ALPP: variants seen among roughly 807,000 people sequenced by gnomAD.
The protein encoded by ALPP is alkaline phosphatase, placental.
A neutral mutation model predicts 50.7 loss-of-function variants in ALPP; 39 were observed. That is an observed-to-expected ratio of 0.77 (90% CI 0.60 to 1.00). The LOEUF (loss-of-function observed/expected upper bound fraction) is 1.00. Ranked by LOEUF, ALPP falls within the 50% of genes least tolerant of loss-of-function variation. The probability of loss-of-function intolerance (pLI) is 0.00; values close to 1 mark genes in which losing one functional copy is unlikely to be tolerated. For missense variants in ALPP, 550 were observed against 746.8 expected (o/e 0.74, Z 3.07); for synonymous variants, 226 against 320.3 (o/e 0.71, Z 3.14).
chr2:232,381,691 G>C lies in ALPP; in HGVS notation c.1504G>C (p.Ala502Pro), dbSNP rs1454167625. The change falls in exon 11 of 11, where the codon GCC becomes CCC. Residue 502 changes from alanine (A) to proline (P), a missense_variant. Coordinates refer to ENST00000392027, the MANE Select transcript of ALPP (RefSeq NM_001632.5). ...PYTACDLAPP[A>P]GTTDAAHPGR... ...CACCGCCTGCGACCTGGCGCCCCCC[G>C]CCGGCACCACCGACGCCGCGCACCC... 2 of 1,608,720 alleles carry C rather than the reference G, an allele frequency of 1.2e-6. No individual in the cohort carries two copies. Among genetic ancestry groups the C allele is most frequent in the Non-Finnish European group, 1.7e-6 (2 of 1,178,590 alleles).
chr2:232,381,122 G>T, intron 9 of ALPP, 91 bp downstream of exon 9: 1 of 1,569,450 alleles, frequency 6.4e-7, no homozygotes. Flanking sequence ...TGGGAGTAAT[G>T]CTGGCACCAG....
chr2:232,380,066 G>C, intron 5 of ALPP, 120 bp from the exon 6 acceptor site: 2 of 1,575,820 alleles, frequency 1.3e-6, no homozygotes, highest in Non-Finnish European at 1.7e-6. Flanking sequence ...GGCGTAGAAG[G>C]TGCAGCCCAG....
rs1421226219 is a variant in ALPP at position 232,382,095 on chromosome 2, T to A, written c.*300T>A. 3.7e-6 allele frequency: 2 copies of A among 545,220 alleles called. No homozygotes were observed. The highest frequency in any genetic ancestry group is 6.5e-6 in the Non-Finnish European group (2 of 309,400). 33.8% of individuals were successfully genotyped at this position (545,220 alleles called of 1,614,324 possible). Reference sequence around the variant, plus strand: ...CATCCAGCCACCACCTACAGCCCAGTGGGTACCAGGCAGGCTCCCTTCCTG... The same window carrying A: ...CATCCAGCCACCACCTACAGCCCAGAGGGTACCAGGCAGGCTCCCTTCCTG... On this transcript the variant is annotated 3_prime_UTR_variant, in exon 11 of 11. Coordinates refer to ENST00000392027, the MANE Select transcript of ALPP (RefSeq NM_001632.5).
rs2981374 is a variant in ALPP at position 232,381,689 on chromosome 2, C to G, written c.1502C>G (p.Pro501Arg). Residue 501 changes from proline (P) to arginine (R), a missense_variant, in exon 11 of 11, where the codon CCC (proline) becomes CGC (arginine). Transcript: ENST00000392027. ...EPYTACDLAP[P>R]AGTTDAAHPG... ...TACACCGCCTGCGACCTGGCGCCCCCCGCCGGCACCACCGACGCCGCGCAC... is the reference window on the plus strand; with the variant it reads ...TACACCGCCTGCGACCTGGCGCCCCGCGCCGGCACCACCGACGCCGCGCAC... 3,559 of 1,599,772 alleles carry G rather than the reference C, an allele frequency of 2.2e-3. 36 individuals are homozygous for G. Among genetic ancestry groups the G allele is most frequent in the Middle Eastern group, 3.5e-3 (19 of 5,456 alleles).
chr2:232,381,437 C>T, intron 10 of ALPP, 60 bp from the exon 11 acceptor site: 1 of 1,612,208 alleles, frequency 6.2e-7, no homozygotes, highest in Non-Finnish European at 8.5e-7. Flanking sequence ...GGGAAGGGGT[C>T]ACCTCCTGTC....
At position 232,381,598 on chromosome 2, in the gene ALPP, G is replaced by A. The variant is rs1291636364; in HGVS notation, c.1411G>A (p.Val471Ile). ...VFARGPQAHLVHGVQEQTFIA... is the reference protein window; with the variant it reads ...VFARGPQAHLIHGVQEQTFIA... ...CGCGCGCGGCCCGCAGGCGCACCTG[G>A]TTCACGGCGTGCAGGAGCAGACCTT... Residue 471 changes from valine (V) to isoleucine (I), a missense_variant, in exon 11 of 11, where the codon GTT becomes ATT. Transcript: ENST00000392027. 1.2e-6 allele frequency: 2 copies of A among 1,612,746 alleles called. No homozygotes were observed. The highest frequency in any genetic ancestry group is 1.7e-5 in the Admixed American group (1 of 59,950).
chr2:232,379,025 C>T lies in ALPP; in HGVS notation c.131C>T (p.Ala44Val). 6 of 1,614,136 alleles carry T rather than the reference C, an allele frequency of 3.7e-6. No individual in the cohort carries two copies. The highest frequency in any genetic ancestry group is 4.2e-6 in the Non-Finnish European group (5 of 1,180,034). The change falls in exon 2 of 11, where the codon GCC becomes GTC. Residue 44 changes from alanine (A) to valine (V), a missense_variant. Coordinates refer to ENST00000392027, the MANE Select transcript of ALPP (RefSeq NM_001632.5). ...CGCGAGGCAGCCGAGGCCCTGGGTG[C>T]CGCCAAGAAGCTGCAGCCTGCACAG... Reference protein sequence around the residue: ...WNREAAEALGAAKKLQPAQTA... With the variant: ...WNREAAEALGVAKKLQPAQTA...
rs756125131 is a variant in ALPP, at chr2:232,380,203, C to G, written c.675C>G (p.Gly225=). 6.2e-7 allele frequency: 1 copy of G among 1,613,998 alleles called. No individual in the cohort carries two copies. Among genetic ancestry groups the G allele is most frequent in the African/African-American group, 1.3e-5 (1 of 74,926 alleles). The change falls in exon 6 of 11, where the codon GGC becomes GGG. Residue 225 remains glycine (G), a synonymous_variant. Coordinates refer to ENST00000392027, the MANE Select transcript of ALPP (RefSeq NM_001632.5). ...GTTCCCAGGTGATCCTAGGTGGAGG[C>G]CGAAAGTACATGTTTCGCATGGGAA... ...NMDIDVILGG[G]RKYMFRMGTP...
At chr2:232,380,016 AGCCTTATCTGG>A in intron 5 of ALPP, 80 bp downstream of exon 5, 2 of 1,561,192 alleles carry the variant, frequency 1.3e-6, no homozygotes, top group Non-Finnish European at 1.7e-6. Context: ...GGCAACCAAA[AGCCTTATCTGG>A]GCCAGCAGGG....
At chr2:232,379,401 A>T (rs1243972960) in intron 3 of ALPP, 86 bp downstream of exon 3, 1 of 1,589,440 alleles carries the variant, frequency 6.3e-7, no homozygotes, top group Non-Finnish European at 8.6e-7. Flanking sequence ...GACCCTAAAC[A>T]GCTGGGGCTC....
intron 1 of ALPP, 30 bp downstream of exon 1, chr2:232,378,908 C>A: frequency 6.2e-7 from 1 of 1,609,258 alleles, no homozygotes; most frequent in Non-Finnish European, 8.5e-7. Context: ...TGCCCCTACA[C>A]AACACACACA....
Position 232,379,868 on chromosome 2 carries a change from C to T in ALPP, c.589C>T (p.Pro197Ser). ...CAACTGGTACTCGGACGCCGACGTGCCTGCCTCCGCCCGCCAGGAGGGGTG... is the reference window on the plus strand; with the variant it reads ...CAACTGGTACTCGGACGCCGACGTGTCTGCCTCCGCCCGCCAGGAGGGGTG... ...NRNWYSDADV[P>S]ASARQEGCQD... The change falls in exon 5 of 11, where the codon CCT (proline) becomes TCT (serine). Residue 197 changes from proline to serine, a missense_variant. This residue lies in a region of ALPP where 376 missense variants were observed against 388.5 expected (regional missense o/e 0.97). Transcript: ENST00000392027. 1 of 1,613,236 alleles carries T rather than the reference C, an allele frequency of 6.2e-7. No individual in the cohort carries two copies. The highest frequency in any genetic ancestry group is 1.1e-5 in the South Asian group (1 of 91,008).
rs1400426284 is a variant in ALPP, at chr2:232,381,795, A to G, written c.1608A>G (p.Ter536TrpextTer56). 1.3e-6 allele frequency: 2 copies of G among 1,572,050 alleles called. No individual in the cohort carries two copies. The highest frequency in any genetic ancestry group is 1.7e-6 in the Non-Finnish European group (2 of 1,164,388). Residue 536 changes from the stop codon to tryptophan, a stop_lost, in exon 11 of 11, where the codon TGA (stop) becomes TGG (tryptophan). Coordinates refer to ENST00000392027, the MANE Select transcript of ALPP (RefSeq NM_001632.5). ...TGCTGGAGACGGCCACTGCTCCCTGAGTGTCCCGTCCCTGGGGCTCCTGCT... is the reference window on the plus strand; with the variant it reads ...TGCTGGAGACGGCCACTGCTCCCTGGGTGTCCCGTCCCTGGGGCTCCTGCT... The part of the protein sequence containing the change: ...LLLLETATAP[*>W]
intron 4 of ALPP, 31 bp downstream of exon 4, chr2:232,379,718 C>G (rs1559237010): frequency 6.2e-7 from 1 of 1,614,008 alleles, no homozygotes. Flanking sequence ...GGGTCACGGC[C>G]AGGTCACAGA....
rs753780540 is a variant in ALPP, at chr2:232,379,296, C to T, written c.290C>T (p.Pro97Leu). Residue 97 changes from proline (P) to leucine (L), a missense_variant, in exon 3 of 11, where the codon CCA (proline) becomes CTA (leucine). Coordinates refer to ENST00000392027, the MANE Select transcript of ALPP (RefSeq NM_001632.5). ...ATACCCCTGGCCATGGACCGCTTCC[C>T]ATATGTGGCTCTGTCCAAGGTAAGT... ...PEIPLAMDRF[P>L]YVALSKTYNV... 13 of 1,614,066 alleles carry T rather than the reference C, an allele frequency of 8.1e-6. No individual in the cohort carries two copies. In the South Asian group the frequency reaches 1.3e-4, roughly 16 times the overall value.
Position 232,378,969 on chromosome 2 carries a change from A to T in ALPP, c.77-2A>T, listed in dbSNP as rs1696649225. The T allele has an allele frequency of 2.5e-6, 4 of 1,614,010 alleles. No individual in the cohort carries two copies. Among genetic ancestry groups the T allele is most frequent in the Non-Finnish European group, 3.4e-6 (4 of 1,180,012 alleles). ...CCTGATTTTTGCTCTCCCCCTGGCC[A>T]GTTGAGGAGGAGAACCCGGACTTCT... On this transcript the variant is annotated splice_acceptor_variant, in intron 1 of 10. Coordinates refer to ENST00000392027, the MANE Select transcript of ALPP (RefSeq NM_001632.5). LOFTEE classifies it high-confidence loss of function.
At position 232,381,572 on chromosome 2, in the gene ALPP, T is replaced by G; in HGVS notation, c.1385T>G (p.Phe462Cys). 6.2e-7 allele frequency: 1 copy of G among 1,612,814 alleles called. No homozygotes were observed. The highest frequency in any genetic ancestry group is 8.5e-7 in the Non-Finnish European group (1 of 1,179,750). ...CACGCAGGCGAGGACGTGGCGGTGT[T>G]CGCGCGCGGCCCGCAGGCGCACCTG... ...ETHAGEDVAV[F>C]ARGPQAHLVH... Residue 462 changes from phenylalanine (F) to cysteine (C), a missense_variant, in exon 11 of 11, where the codon TTC becomes TGC. Phe to Cys is a radical substitution (Grantham distance 205). Transcript: ENST00000392027.
At position 232,381,970 on chromosome 2, in the gene ALPP, A is replaced by C; in HGVS notation, c.*175A>C. 3 of 1,081,478 alleles carry C rather than the reference A, an allele frequency of 2.8e-6. No homozygotes were observed. The highest frequency in any genetic ancestry group is 3.9e-6 in the Non-Finnish European group (3 of 777,680). 67.0% of individuals were successfully genotyped at this position (1,081,478 alleles called of 1,614,324 possible). On this transcript the variant is annotated 3_prime_UTR_variant, in exon 11 of 11. Transcript: ENST00000392027. Reference sequence around the variant, plus strand: ...CTGGGGACTGAGCCCATGACACCAAACCTGCCCCTTGGCTGCTCTCGGACT... The same window carrying C: ...CTGGGGACTGAGCCCATGACACCAACCCTGCCCCTTGGCTGCTCTCGGACT...
In ALPP at chr2:232,379,917, T is replaced by C. The variant is rs778075670; in HGVS notation, c.638T>C (p.Ile213Thr). The change falls in exon 5 of 11, where the codon ATC (isoleucine) becomes ACC (threonine). Residue 213 changes from isoleucine (I) to threonine (T), a missense_variant. This residue lies in a region of ALPP where 376 missense variants were observed against 388.5 expected (regional missense o/e 0.97). Transcript: ENST00000392027. Reference sequence around the variant, plus strand: ...TGCCAGGACATCGCTACGCAGCTCATCTCCAACATGGACATTGACGTGCGA... The same window carrying C: ...TGCCAGGACATCGCTACGCAGCTCACCTCCAACATGGACATTGACGTGCGA... ...EGCQDIATQLISNMDIDVILG... is the reference protein window; with the variant it reads ...EGCQDIATQLTSNMDIDVILG... 1 of 1,610,812 alleles carries C rather than the reference T, an allele frequency of 6.2e-7. No individual in the cohort carries two copies.
Sources: allele counts gnomAD v4.1 joint callset, GRCh38; gene constraint gnomAD v4.1.1; regional missense constraint gnomAD v4.1.1; transcripts MANE v1.5; gene names NCBI Gene and HGNC (gene_info 2026-07-23, HGNC 2026-07-21).